Variants in NAA25 observed in about 807,000 individuals in gnomAD.
The protein encoded by NAA25 is N-alpha-acetyltransferase 25, NatB auxiliary subunit.
NAA25 carries 30 observed loss-of-function variants against 132.5 expected under a neutral mutation model. The ratio of observed to expected loss-of-function variants is 0.23; its 90% CI spans 0.17 to 0.31. The LOEUF is 0.31. NAA25 is among the 10% of genes least tolerant of loss of function. NAA25 has a pLI of 1.00. For missense variants in NAA25, 771 were observed against 1,150.4 expected (o/e 0.67, Z 4.77); for synonymous variants, 359 against 401.9 (o/e 0.89, Z 1.28).
At chr12:112,086,062 A>ATATATG (rs1417222263) in intron 4 of NAA25, among the ~76,000 whole-genome samples, 1 of 89,100 alleles carries the variant, frequency 1.1e-5, no homozygotes, top group African/African-American at 7.1e-5. Flanking sequence ...ATATATATAT[A>ATATATG]TATATATATA....
In NAA25 at chr12:112,094,698, C is replaced by T. The variant is rs913816097; in HGVS notation, c.59-1562G>A. Among the ~76,000 whole-genome samples the T allele has an allele frequency of 8.1e-4, 123 of 152,070 alleles. 2 individuals carry two copies. Among genetic ancestry groups the T allele is most frequent in the Admixed American group, 3.9e-4 (6 of 15,242 alleles). The stretch of plus-strand genomic sequence containing the variant: ...TGTGTGAGACAGGGTCTTGCTCAGT[C>T]GCCCAAGTTGGAGTGCAATGGCACA... On this transcript the variant is annotated intron_variant, in intron 1 of 23. Transcript: ENST00000261745.
intron 22 of NAA25, chr12:112,034,032 T>C (rs1478618002): frequency 6.6e-6 from 1 of 152,144 alleles, no homozygotes; most frequent in Non-Finnish European, 1.5e-5. Flanking sequence ...ATCAATAAAA[T>C]TTTAAAAATC....
In NAA25 at chr12:112,061,231, A is replaced by C; in HGVS notation, c.1307T>G (p.Leu436Trp). 4 of 1,614,098 alleles carry C rather than the reference A, an allele frequency of 2.5e-6. No individual in the cohort carries two copies. The highest frequency in any genetic ancestry group is 3.4e-6 in the Non-Finnish European group (4 of 1,180,018). Residue 436 changes from leucine to tryptophan, a missense_variant, in exon 12 of 24, where the codon TTG (leucine) becomes TGG (tryptophan). Physicochemically the swap from Leu to Trp is moderately conservative, Grantham distance 61. This residue lies in a region of NAA25 where 417 missense variants were observed against 733.8 expected (regional missense o/e 0.57). Coordinates refer to ENST00000261745, the MANE Select transcript of NAA25 (RefSeq NM_024953.4). ...TAACATCAATTCTCTGACCACACTC[A>C]ATTTCTGATTTTTATCCATGGTGTG... is the stretch of plus-strand genomic sequence containing the variant. ...LYHTMDKNQK[L>W]SVVRELMLRY... is the part of the protein sequence containing the mutation.
intron 7 of NAA25, among the ~76,000 whole-genome samples, chr12:112,077,187 T>C (rs2078905460): frequency 6.6e-6 from 1 of 151,082 alleles, no homozygotes; most frequent in African/African-American, 2.4e-5. Flanking sequence ...AATAAAATAA[T>C]GGAGGCCAGG....
chr12:112,052,392 T>C (rs996280258), intron 15 of NAA25, among the ~76,000 whole-genome samples: 4 of 152,120 alleles, frequency 2.6e-5, no homozygotes. Flanking sequence ...TGAACGGAGA[T>C]ACCAATCACT....
intron 2 of NAA25, 21 bp from the exon 3 acceptor site, chr12:112,090,885 A>G (rs1566030757): frequency 1.9e-6 from 3 of 1,582,804 alleles, no homozygotes; most frequent in Admixed American, 2.0e-5. Context: ...CAAAAGAAAA[A>G]TCAGTTTTTA....
At chr12:112,077,161 AAAT>A (rs550811706) in intron 7 of NAA25, among the ~76,000 whole-genome samples, 2 of 151,724 alleles carry the variant, frequency 1.3e-5, no homozygotes, top group Admixed American at 6.6e-5. Context: ...TATTTAGTTA[AAAT>A]AATAATAATA....
chr12:112,057,630 A>G (rs1323932586), intron 13 of NAA25, among the ~76,000 whole-genome samples: 1 of 152,156 alleles, frequency 6.6e-6, no homozygotes, highest in African/African-American at 2.4e-5. Context: ...CAAGGCAGAC[A>G]GATCACCTGA....
At chr12:112,097,340 G>A (rs1299981479) in intron 1 of NAA25, 3 of 152,226 alleles carry the variant, frequency 2.0e-5, no homozygotes, top group Non-Finnish European at 4.4e-5. Flanking sequence ...AGGCGTGGTG[G>A]CTCACGGCTG....
intron 4 of NAA25, among the ~76,000 whole-genome samples, chr12:112,083,097 G>T (rs1017870854): frequency 1.2e-4 from 19 of 152,244 alleles, no homozygotes; most frequent in Non-Finnish European, 1.5e-4. Context: ...CAGCAGTACT[G>T]TGAAGAGACA....
At chr12:112,041,866 T>C (rs2078304753) in intron 20 of NAA25, among the ~76,000 whole-genome samples, 173 bp downstream of exon 20, 1 of 152,256 alleles carries the variant, frequency 6.6e-6, no homozygotes, top group Non-Finnish European at 1.5e-5. Context: ...TTTTTATCTG[T>C]ATTTTCATTC....
intron 22 of NAA25, among the ~76,000 whole-genome samples, chr12:112,038,835 CG>C (rs1565997672): frequency 6.6e-6 from 1 of 151,962 alleles, no homozygotes; most frequent in East Asian, 1.9e-4. Context: ...AAAAATTAGC[CG>C]GGTGTGGTGG....
intron 4 of NAA25, among the ~76,000 whole-genome samples, chr12:112,085,791 G>A (rs1201198140): frequency 3.3e-5 from 5 of 151,222 alleles, no homozygotes; most frequent in African/African-American, 7.3e-5. Context: ...AGGCAGAGGC[G>A]AGCGGATCAT....
intron 14 of NAA25, 143 bp downstream of exon 14, chr12:112,054,245 T>C: frequency 2.8e-6 from 2 of 709,616 alleles, no homozygotes; most frequent in South Asian, 4.9e-5. Context: ...TAAAAATCTT[T>C]CTGGTTTGCA....
intron 1 of NAA25, among the ~76,000 whole-genome samples, chr12:112,101,525 G>A (rs1296605255): frequency 6.6e-6 from 1 of 152,156 alleles, no homozygotes; most frequent in Non-Finnish European, 1.5e-5. Flanking sequence ...GGGAGGCCGA[G>A]GAAGGTGGAT....
Position 112,053,653 on chromosome 12 carries a change from GAT to G in NAA25, c.1631_1632del (p.Tyr544SerfsTer7). 6.3e-7 allele frequency: 1 copy of G among 1,598,452 alleles called. No individual in the cohort carries two copies. Among genetic ancestry groups the G allele is most frequent in the Non-Finnish European group, 8.5e-7 (1 of 1,169,852 alleles). On this transcript the variant is annotated frameshift_variant and splice_region_variant, in exon 15 of 24. Transcript: ENST00000261745. LOFTEE classifies it high-confidence loss of function. ...AGAGATTCAGCATATCGGGTCAAAA[GAT>G]AACTAGATCAGAAGGAAAGAAGGAA... ...AKHIQHDTIG[Y>X]LLTRYAESLG...
intron 8 of NAA25, among the ~76,000 whole-genome samples, chr12:112,075,191 CTTT>C (rs760622100): frequency 1.4e-5 from 2 of 143,596 alleles, no homozygotes; most frequent in East Asian, 2.0e-4. Flanking sequence ...GCACAAGTAT[CTTT>C]TTTTTTTTTT....
chr12:112,092,953 G>T, intron 2 of NAA25, 98 bp downstream of exon 2: 1 of 811,156 alleles, frequency 1.2e-6, no homozygotes, highest in Non-Finnish European at 1.9e-6. Context: ...TGGGATTACA[G>T]GCTTGAGCCA....
intron 17 of NAA25, 23 bp from the exon 18 acceptor site, chr12:112,043,891 T>C: frequency 6.2e-7 from 1 of 1,602,710 alleles, no homozygotes; most frequent in Non-Finnish European, 8.5e-7. Context: ...CATCCCCAAA[T>C]TATCTAACTT....
Sources: allele counts gnomAD v4.1 joint callset (sites outside exome capture counted in the v4.1 genomes callset), GRCh38; gene constraint gnomAD v4.1.1; regional missense constraint gnomAD v4.1.1; transcripts MANE v1.5; gene names NCBI Gene and HGNC (gene_info 2026-07-23, HGNC 2026-07-21).